Variants in ZNF407 observed in about 807,000 individuals in gnomAD.
ZNF407 encodes zinc finger protein 407.
Under a neutral mutation model 131.2 loss-of-function variants are expected in ZNF407, and 17 were observed. The observed-to-expected ratio is 0.13, with a 90% confidence interval of 0.09 to 0.19. ZNF407 has a LOEUF of 0.19. ZNF407 is among the 10% of genes least tolerant of loss of function. The pLI, the probability that ZNF407 is intolerant of heterozygous loss-of-function variation, is 1.00. For missense variants in ZNF407, 2,681 were observed against 2,830.6 expected (o/e 0.95, Z 1.20); for synonymous variants, 1,156 against 1,062.0 (o/e 1.09, Z -1.72).
At chr18:75,032,308 C>G (rs61702974) in intron 8 of ZNF407, among the ~76,000 whole-genome samples, 2 of 152,130 alleles carry the variant, frequency 1.3e-5, no homozygotes, top group African/African-American at 2.4e-5. Context: ...TAAATAGTGT[C>G]GAACTTGACA....
At chr18:74,672,125 T>C (rs1008407587) in intron 3 of ZNF407, among the ~76,000 whole-genome samples, 2 of 152,100 alleles carry the variant, frequency 1.3e-5, no homozygotes, top group Non-Finnish European at 2.9e-5. Flanking sequence ...CTTTGAGGAA[T>C]TGCCACACTG....
rs367989967 is a variant in ZNF407 at position 74,929,914 on chromosome 18, G to T, written c.5428+9222G>T. Reference sequence around the variant, plus strand: ...TAAATGATTTTAAACTTACAGAAAAGTTTGCAGAAATAGTACAGAGAGTTC... The same window carrying T: ...TAAATGATTTTAAACTTACAGAAAATTTTGCAGAAATAGTACAGAGAGTTC... On this transcript the variant is annotated intron_variant, in intron 8 of 8. Transcript: ENST00000299687. 2.3e-4 allele frequency among the ~76,000 whole-genome samples: 35 copies of T among 152,272 alleles called. No individual in the cohort carries two copies. The East Asian group carries it at 3.9e-3, about 17-fold the overall frequency.
At chr18:74,734,699 GTGTGTGTGTGTT>G (rs1370006785) in intron 3 of ZNF407, among the ~76,000 whole-genome samples, 6 of 147,422 alleles carry the variant, frequency 4.1e-5, no homozygotes, top group South Asian at 2.1e-4. Flanking sequence ...GTGTGTGTGT[GTGTGTGTGTGTT>G]TTTGAGAGAA....
In ZNF407 at chr18:75,064,475, C is replaced by T. The variant is rs376877950; in HGVS notation, c.*7C>T. 5.7e-5 allele frequency: 84 copies of T among 1,472,960 alleles called. No homozygotes were observed. The African/African-American group carries it at 8.8e-4, about 15-fold the overall frequency. 91.2% of individuals were successfully genotyped at this position (1,472,960 alleles called of 1,614,324 possible). A position where few individuals can be genotyped will look rare whatever the true frequency, so the allele number is the denominator to read the frequency against. On this transcript the variant is annotated 3_prime_UTR_variant, in exon 9 of 9. Coordinates refer to ENST00000299687, the MANE Select transcript of ZNF407 (RefSeq NM_017757.3). ...CGAACTCCAGGAAGCATGAGACGCG[C>T]GGCACCTTTACTCAGCACAGGGCAG...
intron 6 of ZNF407, among the ~76,000 whole-genome samples, chr18:74,885,139 CTAAG>C (rs1971290478): frequency 6.6e-6 from 1 of 151,968 alleles, no homozygotes; most frequent in Non-Finnish European, 1.5e-5. Context: ...TACTACCTAC[CTAAG>C]TCTTATTATA....
Position 74,818,379 on chromosome 18 carries a change from A to AT in ZNF407, c.4877+36885dup, listed in dbSNP as rs201284558. 8.2e-3 allele frequency among the ~76,000 whole-genome samples: 1,254 copies of AT among 152,026 alleles called. 14 individuals carry two copies. The highest frequency in any genetic ancestry group is 0.028 in the African/African-American group (1,160 of 41,476). On this transcript the variant is annotated intron_variant, in intron 4 of 8. Transcript: ENST00000299687. ...GTGGATAATTAGGTTTGTGTGCTAC[A>AT]TTTTTTTTGACTTTGTAATTTCTGT...
chr18:74,794,752 A>G (rs1284991499), intron 4 of ZNF407, among the ~76,000 whole-genome samples: 1 of 152,158 alleles, frequency 6.6e-6, no homozygotes, highest in African/African-American at 2.4e-5. Flanking sequence ...ATGAACTATG[A>G]TTTCATAGTT....
At chr18:75,049,127 G>A (rs951351865) in intron 8 of ZNF407, among the ~76,000 whole-genome samples, 9 of 150,790 alleles carry the variant, frequency 6.0e-5, no homozygotes, top group East Asian at 1.9e-4. Context: ...GGAGTTGTTC[G>A]TCATGATCTC....
intron 7 of ZNF407, among the ~76,000 whole-genome samples, chr18:74,914,657 T>C (rs1038815270): frequency 6.6e-6 from 1 of 152,202 alleles, no homozygotes; most frequent in Non-Finnish European, 1.5e-5. Flanking sequence ...TGAGGTACTT[T>C]CCTGAGATCA....
chr18:74,873,219 A>C (rs188241056), intron 4 of ZNF407, among the ~76,000 whole-genome samples: 2 of 152,362 alleles, frequency 1.3e-5, no homozygotes, highest in Admixed American at 1.3e-4. Context: ...GACATCTAGC[A>C]ACACCAGGTG....
At chr18:74,699,406 G>T (rs1260547191) in intron 3 of ZNF407, among the ~76,000 whole-genome samples, 1 of 152,172 alleles carries the variant, frequency 6.6e-6, no homozygotes, top group East Asian at 1.9e-4. Context: ...GCTGGGGTCT[G>T]ATAACTGAAG....
intron 4 of ZNF407, among the ~76,000 whole-genome samples, chr18:74,839,028 A>G (rs552835692): frequency 2.6e-5 from 4 of 152,292 alleles, no homozygotes; most frequent in African/African-American, 9.6e-5. Context: ...AAATACATAT[A>G]TCTCTAAATA....
At chr18:74,605,606 G>A (rs1310435617) in intron 1 of ZNF407, among the ~76,000 whole-genome samples, 1 of 152,056 alleles carries the variant, frequency 6.6e-6, no homozygotes, top group Non-Finnish European at 1.5e-5. Context: ...AGCAGTTAAG[G>A]TTTTCTGTCC....
intron 3 of ZNF407, among the ~76,000 whole-genome samples, chr18:74,671,679 A>G (rs1342321589): frequency 1.3e-5 from 2 of 152,136 alleles, no homozygotes; most frequent in Admixed American, 6.5e-5. Flanking sequence ...CCATGTACCC[A>G]CAAAGGACAT....
Position 74,714,607 on chromosome 18 carries a change from G to A in ZNF407, c.4803-66821G>A, listed in dbSNP as rs562212467. On this transcript the variant is annotated intron_variant, in intron 3 of 8. Coordinates refer to ENST00000299687, the MANE Select transcript of ZNF407 (RefSeq NM_017757.3). Reference sequence around the variant, plus strand: ...CTAGTAACTCTTTTACTGTCTTCTGGCATGATGCTTTCAACTTTATTTTTA... The same window carrying A: ...CTAGTAACTCTTTTACTGTCTTCTGACATGATGCTTTCAACTTTATTTTTA... Among the ~76,000 whole-genome samples, 37 of 152,062 alleles carry A rather than the reference G, an allele frequency of 2.4e-4. No homozygotes were observed. In the South Asian group the frequency reaches 5.8e-3, roughly 24 times the overall value.
At chr18:75,044,436 A>C (rs1424445946) in intron 8 of ZNF407, among the ~76,000 whole-genome samples, 2 of 152,050 alleles carry the variant, frequency 1.3e-5, no homozygotes, top group Admixed American at 6.6e-5. Flanking sequence ...AGACTACAAG[A>C]AGCCACTAGA....
intron 3 of ZNF407, among the ~76,000 whole-genome samples, chr18:74,683,315 C>A (rs1176342928): frequency 1.3e-5 from 2 of 152,204 alleles, no homozygotes; most frequent in Admixed American, 6.5e-5. Context: ...TTAATAATAT[C>A]TTTTATAGTT....
intron 4 of ZNF407, among the ~76,000 whole-genome samples, chr18:74,869,402 A>AGTT (rs962693231): frequency 6.6e-6 from 1 of 152,164 alleles, no homozygotes; most frequent in Non-Finnish European, 1.5e-5. Flanking sequence ...CCTGCCATAC[A>AGTT]GTTGAAAGGG....
In ZNF407 at chr18:74,711,313, T is replaced by C. The variant is rs530357260; in HGVS notation, c.4803-70115T>C. ...TTTGCCTGGCAAAGGGGAATGAAAGTTGCAGTGGAATTTAAGGTGGCCAGT... is the reference window on the plus strand; with the variant it reads ...TTTGCCTGGCAAAGGGGAATGAAAGCTGCAGTGGAATTTAAGGTGGCCAGT... On this transcript the variant is annotated intron_variant, in intron 3 of 8. Transcript: ENST00000299687. 2.7e-4 allele frequency among the ~76,000 whole-genome samples: 41 copies of C among 152,278 alleles called. No individual in the cohort carries two copies. The South Asian group carries it at 3.5e-3, about 13-fold the overall frequency.
Sources: allele counts gnomAD v4.1 joint callset (sites outside exome capture counted in the v4.1 genomes callset), GRCh38; gene constraint gnomAD v4.1.1; transcripts MANE v1.5; gene names NCBI Gene and HGNC (gene_info 2026-07-23, HGNC 2026-07-21).